ULK2: variants seen among roughly 807,000 people sequenced by gnomAD.
ULK2 encodes the protein unc-51 like autophagy activating kinase 2, also known as serine/threonine-protein kinase ULK2.
Under a neutral mutation model 127.5 loss-of-function variants are expected in ULK2, and 76 were observed. That is an observed-to-expected ratio of 0.60 (90% CI 0.50 to 0.72). The LOEUF is 0.72. ULK2 is among the 30% of genes least tolerant of loss of function. The pLI, the probability that ULK2 is intolerant of heterozygous loss-of-function variation, is 0.00. For synonymous variants in ULK2, 452 were observed against 461.9 expected (o/e 0.98, Z 0.28); for missense variants, 1,144 against 1,295.9 (o/e 0.88, Z 1.80).
chr17:19,857,003 AAG>A (rs1287813271), intron 3 of ULK2, among the ~76,000 whole-genome samples: 25 of 148,616 alleles, frequency 1.7e-4, no homozygotes, highest in East Asian at 1.2e-3. Context: ...AAAAAAAAAA[AAG>A]AGTTTTAAAA....
In ULK2 at chr17:19,780,967, AC is replaced by A; in HGVS notation, c.2758+18del. 1 of 1,611,254 alleles carries A rather than the reference AC, an allele frequency of 6.2e-7. No individual in the cohort carries two copies. Among genetic ancestry groups the A allele is most frequent in the South Asian group, 1.1e-5 (1 of 91,002 alleles). On this transcript the variant is annotated intron_variant, in intron 24 of 26. Transcript: ENST00000395544. ...CTTAAGGACTGACCCCTGGAGTTAC[AC>A]GCTGCCTTCTCCCATACCTTGTTTC...
chr17:19,832,454 G>T (rs796414314), intron 10 of ULK2, among the ~76,000 whole-genome samples: 1 of 151,882 alleles, frequency 6.6e-6, no homozygotes, highest in South Asian at 2.1e-4. Flanking sequence ...TTTAGTAGAA[G>T]GCTTTCACCA....
At chr17:19,819,459 C>G (rs766820407) in intron 12 of ULK2, among the ~76,000 whole-genome samples, 3 of 152,120 alleles carry the variant, frequency 2.0e-5, no homozygotes, top group Non-Finnish European at 2.9e-5. Flanking sequence ...CATGAGCCAC[C>G]CTGGGCTCTT....
chr17:19,805,109 CA>C (rs898840461), intron 14 of ULK2, among the ~76,000 whole-genome samples: 37 of 152,236 alleles, frequency 2.4e-4, no homozygotes, highest in African/African-American at 8.2e-4. Flanking sequence ...CACAGGTCAG[CA>C]AAACTGTTTC....
At chr17:19,830,606 TTTGAGA>T (rs2041413305) in intron 10 of ULK2, among the ~76,000 whole-genome samples, 1 of 94,468 alleles carries the variant, frequency 1.1e-5, no homozygotes, top group Non-Finnish European at 2.1e-5. Flanking sequence ...ATGCCTGTCC[TTTGAGA>T]TTGTTTAAAA....
Position 19,867,428 on chromosome 17 carries a change from C to T in ULK2, c.-11G>A. ...ACCCACCACCTCCATGGCCGCGCCC[C>T]CGGGGCACACAGCGGACGGGCGGGC... On this transcript the variant is annotated 5_prime_UTR_variant, in exon 1 of 27. Transcript: ENST00000395544. 6.3e-7 allele frequency: 1 copy of T among 1,586,542 alleles called. No homozygotes were observed. The highest frequency in any genetic ancestry group is 8.6e-7 in the Non-Finnish European group (1 of 1,168,796).
rs923231742 is a variant in ULK2 at position 19,797,263 on chromosome 17, C to G, written c.1809+133G>C. The G allele has an allele frequency of 2.9e-5, 31 of 1,064,620 alleles. No individual in the cohort carries two copies. In the African/African-American group the frequency reaches 5.1e-4, roughly 17 times the overall value. 65.9% of individuals were successfully genotyped at this position (1,064,620 alleles called of 1,614,324 possible). A position where few individuals can be genotyped will look rare whatever the true frequency, so the allele number is the denominator to read the frequency against. ...GATGAGCTGAGGTTGTGCCACTGCACTCCAGCCTGGGCGACAAAGCAAGAC... is the reference window on the plus strand; with the variant it reads ...GATGAGCTGAGGTTGTGCCACTGCAGTCCAGCCTGGGCGACAAAGCAAGAC... On this transcript the variant is annotated intron_variant, in intron 18 of 26. Coordinates refer to ENST00000395544, the MANE Select transcript of ULK2 (RefSeq NM_014683.4).
At position 19,816,846 on chromosome 17, in the gene ULK2, T is replaced by G. The variant is rs1294334011; in HGVS notation, c.999A>C (p.Gln333His). 2 of 1,612,774 alleles carry G rather than the reference T, an allele frequency of 1.2e-6. No individual in the cohort carries two copies. The highest frequency in any genetic ancestry group is 1.7e-6 in the Non-Finnish European group (2 of 1,179,622). ...TAGTACTGGCAGAATCTTTGGAAAC[T>G]TGTAGATAGTTGGGAGGACCCAATG... The part of the protein sequence containing the change: ...SPPLGPPNYL[Q>H]VSKDSASTSS... Residue 333 changes from glutamine to histidine, a missense_variant, in exon 13 of 27, where the codon CAA becomes CAC. Gln to His is a conservative substitution (Grantham distance 24). Coordinates refer to ENST00000395544, the MANE Select transcript of ULK2 (RefSeq NM_014683.4).
chr17:19,788,888 T>C (rs940732205), intron 20 of ULK2, among the ~76,000 whole-genome samples: 21 of 152,326 alleles, frequency 1.4e-4, no homozygotes, highest in Non-Finnish European at 2.5e-4. Context: ...GGAAGGACTT[T>C]GTCTTGCGGT....
chr17:19,852,666 T>C, intron 3 of ULK2, among the ~76,000 whole-genome samples: 1 of 151,322 alleles, frequency 6.6e-6, no homozygotes, highest in Non-Finnish European at 1.5e-5. Flanking sequence ...ATTCTCGCTC[T>C]GTGGCCCAGG....
intron 3 of ULK2, among the ~76,000 whole-genome samples, chr17:19,860,011 T>G (rs545340838): frequency 2.6e-4 from 39 of 152,212 alleles, no homozygotes; most frequent in Non-Finnish European, 5.0e-4. Flanking sequence ...CATTTAGCCC[T>G]ACAATACTAT....
Position 19,810,443 on chromosome 17 carries a change from AG to A in ULK2, c.1097-6del. ...CAGTCCCCACTGGCATATCACCTAAAGGAGAGAAAAGAACAATCAGTTCCTG... is the reference window on the plus strand; with the variant it reads ...CAGTCCCCACTGGCATATCACCTAAAGAGAGAAAAGAACAATCAGTTCCTG... On this transcript the variant is annotated splice_region_variant and splice_polypyrimidine_tract_variant and intron_variant, in intron 13 of 26. Transcript: ENST00000395544. 1 of 1,582,444 alleles carries A rather than the reference AG, an allele frequency of 6.3e-7. No homozygotes were observed. Among genetic ancestry groups the A allele is most frequent in the Non-Finnish European group, 8.6e-7 (1 of 1,161,766 alleles).
intron 12 of ULK2, among the ~76,000 whole-genome samples, chr17:19,820,275 T>C (rs930560341): frequency 1.3e-5 from 2 of 152,118 alleles, no homozygotes; most frequent in Admixed American, 6.6e-5. Flanking sequence ...TCTCAGTCTC[T>C]TGACCTTGTG....
rs189511929 is a variant in ULK2 at position 19,802,995 on chromosome 17, T to A, written c.1296-1073A>T. Among the ~76,000 whole-genome samples the A allele has an allele frequency of 1.4e-3, 211 of 152,330 alleles. 1 individual carries two copies. Among genetic ancestry groups the A allele is most frequent in the African/African-American group, 5.0e-3 (206 of 41,588 alleles). ...TTTAAAAGAAACACCTGTCAAGGTA[T>A]AACAGAAGCTGTCAAACTTGTATTC... On this transcript the variant is annotated intron_variant, in intron 15 of 26. Coordinates refer to ENST00000395544, the MANE Select transcript of ULK2 (RefSeq NM_014683.4).
intron 3 of ULK2, among the ~76,000 whole-genome samples, chr17:19,851,326 CA>C (rs554643908): frequency 0.18 from 7,292 of 40,842 alleles, 474 homozygotes; most frequent in African/African-American, 0.41. Flanking sequence ...GACTTCCCCT[CA>C]AAAAAAAAAA....
intron 12 of ULK2, among the ~76,000 whole-genome samples, chr17:19,819,113 T>C (rs1288890916): frequency 6.6e-6 from 1 of 152,188 alleles, no homozygotes; most frequent in Non-Finnish European, 1.5e-5. Flanking sequence ...GAAATTATCA[T>C]CTTCACTGAC....
chr17:19,867,284 G>T (rs755507473), intron 1 of ULK2, 44 bp downstream of exon 1: 2 of 1,480,884 alleles, frequency 1.4e-6, no homozygotes, highest in Non-Finnish European at 1.8e-6. Flanking sequence ...ACCTAGCCCC[G>T]TGCCTGCCGC....
chr17:19,778,038 G>A (rs1180315437), intron 25 of ULK2, among the ~76,000 whole-genome samples: 1 of 152,080 alleles, frequency 6.6e-6, no homozygotes, highest in African/African-American at 2.4e-5. Flanking sequence ...TTCCATATAA[G>A]GGTAACCTGA....
In ULK2 at chr17:19,773,062, G is replaced by A. The variant is rs1209094784; in HGVS notation, c.*3287C>T. 1 of 152,192 alleles carries A rather than the reference G, an allele frequency of 6.6e-6. No individual in the cohort carries two copies. Among genetic ancestry groups the A allele is most frequent in the African/African-American group, 2.4e-5 (1 of 41,408 alleles). The allele number at this position is 152,192 out of a possible 1,614,324, so 9.4% of individuals were successfully genotyped here. On this transcript the variant is annotated 3_prime_UTR_variant, in exon 27 of 27. Transcript: ENST00000395544. Reference sequence around the variant, plus strand: ...TGTAATCCCAGCACTTGGGGAGGCTGAGGCTGGTGTTCAAGACCAGCCTGA... The same window carrying A: ...TGTAATCCCAGCACTTGGGGAGGCTAAGGCTGGTGTTCAAGACCAGCCTGA...
Sources: allele counts gnomAD v4.1 joint callset (sites outside exome capture counted in the v4.1 genomes callset), GRCh38; gene constraint gnomAD v4.1.1; transcripts MANE v1.5; gene names NCBI Gene and HGNC (gene_info 2026-07-23, HGNC 2026-07-21).